Variants in PRDM11 observed in about 807,000 individuals in gnomAD.
PRDM11 encodes PR/SET domain 11, also known as PR domain-containing protein 11.
In PRDM11, 20 loss-of-function variants were observed where a neutral mutation model predicts 97.8. The ratio of observed to expected loss-of-function variants is 0.20; its 90% CI spans 0.14 to 0.30. The LOEUF is 0.30. PRDM11 is among the 10% of genes least tolerant of loss of function. The pLI is 1.00. For missense variants in PRDM11, 1,139 were observed against 1,555.2 expected (o/e 0.73, Z 4.50); for synonymous variants, 599 against 637.7 (o/e 0.94, Z 0.91).
intron 1 of PRDM11, among the ~76,000 whole-genome samples, chr11:45,111,798 T>C (rs539443660): frequency 9.5e-4 from 145 of 152,282 alleles, no homozygotes; most frequent in African/African-American, 3.3e-3. Context: ...CTGGACACTA[T>C]GGGTGCCTCC....
rs1462700195 is a variant in PRDM11 at position 45,228,537 on chromosome 11, T to C, written c.*378T>C. On this transcript the variant is annotated 3_prime_UTR_variant, in exon 8 of 8. Coordinates refer to ENST00000683152, the MANE Select transcript of PRDM11 (RefSeq NM_001384648.1). ...ACCTTTAGGTAGCTCATTTTGTTTA[T>C]GTTTTCATTTGCGGGTGGCGGGGCT... is the stretch of plus-strand genomic sequence containing the variant. 1 of 152,110 alleles carries C rather than the reference T, an allele frequency of 6.6e-6. No homozygotes were observed. The highest frequency in any genetic ancestry group is 2.4e-5 in the African/African-American group (1 of 41,418). 9.4% of individuals were successfully genotyped at this position (152,110 alleles called of 1,614,324 possible). A position where few individuals can be genotyped will look rare whatever the true frequency, so the allele number is the denominator to read the frequency against.
chr11:45,181,121 C>T (rs757346702), intron 1 of PRDM11, among the ~76,000 whole-genome samples: 6 of 152,198 alleles, frequency 3.9e-5, no homozygotes, highest in Non-Finnish European at 8.8e-5. Context: ...ATGAGGACCC[C>T]GGGGTGCCGA....
chr11:45,222,291 C>T (rs1369261607), intron 6 of PRDM11, among the ~76,000 whole-genome samples: 1 of 152,158 alleles, frequency 6.6e-6, no homozygotes, highest in Non-Finnish European at 1.5e-5. Context: ...AGCCTTAAGT[C>T]CACAAAGATC....
At chr11:45,177,278 C>A (rs1378847901) in intron 1 of PRDM11, among the ~76,000 whole-genome samples, 1 of 152,266 alleles carries the variant, frequency 6.6e-6, no homozygotes, top group Non-Finnish European at 1.5e-5. Flanking sequence ...CAAGCCTAAT[C>A]TCTGCATGTG....
chr11:45,140,790 A>G (rs560031389), intron 1 of PRDM11, among the ~76,000 whole-genome samples: 1 of 152,100 alleles, frequency 6.6e-6, no homozygotes, highest in Non-Finnish European at 1.5e-5. Flanking sequence ...AACCTCTCTA[A>G]TGCCCCAGTC....
intron 1 of PRDM11, among the ~76,000 whole-genome samples, chr11:45,133,223 A>C (rs1590365048): frequency 6.6e-6 from 1 of 152,304 alleles, no homozygotes; most frequent in East Asian, 1.9e-4. Flanking sequence ...TTTTCTCCTC[A>C]ACTCATTCCA....
chr11:45,122,957 C>G (rs1199938782), intron 1 of PRDM11, among the ~76,000 whole-genome samples: 6 of 152,144 alleles, frequency 3.9e-5, no homozygotes, highest in Admixed American at 3.9e-4. Flanking sequence ...CTAGTCCCAC[C>G]AACAGTGTAA....
chr11:45,200,462 T>G (rs1853287593), intron 4 of PRDM11, among the ~76,000 whole-genome samples: 1 of 152,254 alleles, frequency 6.6e-6, no homozygotes, highest in Non-Finnish European at 1.5e-5. Context: ...AAGGTTGGTT[T>G]TTATCCAATT....
At position 45,149,155 on chromosome 11, in the gene PRDM11, G is replaced by C. The variant is rs563942924; in HGVS notation, c.-7+2278G>C. On this transcript the variant is annotated intron_variant, in intron 1 of 7. Coordinates refer to ENST00000683152, the MANE Select transcript of PRDM11 (RefSeq NM_001384648.1). ...CTGTCTCTCCCCAGGACAACAGCAA[G>C]AGCCTCCTAATGTCTACCTGCAGTC... Among the ~76,000 whole-genome samples, 88 of 152,312 alleles carry C rather than the reference G, an allele frequency of 5.8e-4. 1 individual carries two copies. The South Asian group carries it at 0.017, about 30-fold the overall frequency.
chr11:45,125,422 T>G (rs1852543192), intron 1 of PRDM11, among the ~76,000 whole-genome samples: 1 of 152,216 alleles, frequency 6.6e-6, no homozygotes, highest in African/African-American at 2.4e-5. Flanking sequence ...GTTCTTTTAA[T>G]TGTGATGTTA....
chr11:45,119,098 T>C (rs1852365700), intron 1 of PRDM11, among the ~76,000 whole-genome samples: 1 of 152,198 alleles, frequency 6.6e-6, no homozygotes, highest in African/African-American at 2.4e-5. Context: ...AGAAGTTTTC[T>C]GTGTTCTGGA....
upstream of PRDM11, among the ~76,000 whole-genome samples, chr11:45,142,996 T>C (rs1418360608): frequency 6.6e-6 from 1 of 152,168 alleles, no homozygotes; most frequent in East Asian, 1.9e-4. Flanking sequence ...GCCAAAGCTG[T>C]TAGAAGTGAA....
upstream of PRDM11, among the ~76,000 whole-genome samples, chr11:45,094,967 A>G (rs1002714741): frequency 1.3e-5 from 2 of 152,036 alleles, no homozygotes; most frequent in African/African-American, 4.8e-5. Flanking sequence ...ACCTGGCAGA[A>G]GGAGATAAAC....
chr11:45,134,910 C>T lies in PRDM11; in HGVS notation c.96+39009C>T, dbSNP rs75439273. On this transcript the variant is annotated intron_variant, in intron 1 of 6. Transcript: ENST00000530656. ...TCCATGTTTGCAAATTATTGCAGAG[C>T]AATAATCATTACATCTAGAGGTTAA... is the stretch of plus-strand genomic sequence containing the variant. 6.5e-3 allele frequency among the ~76,000 whole-genome samples: 993 copies of T among 151,736 alleles called. 15 individuals carry two copies. The highest frequency in any genetic ancestry group is 0.023 in the African/African-American group (948 of 41,322).
intron 4 of PRDM11, among the ~76,000 whole-genome samples, chr11:45,185,360 A>T (rs894438616): frequency 4.6e-5 from 7 of 152,230 alleles, no homozygotes; most frequent in Non-Finnish European, 7.3e-5. Context: ...ACAAAGAGTT[A>T]TCTGCAGAAA....
Position 45,227,728 on chromosome 11 carries a change from G to T in PRDM11, c.3103G>T (p.Gly1035Cys). ...DVCREGLDPR[G>C]SLLMEWRELK... is the part of the protein sequence containing the mutation. ...CTGTAGGGAAGGGCTGGACCCCCGG[G>T]GTAGTCTGTTGATGGAGTGGCGAGA... is the stretch of plus-strand genomic sequence containing the variant. The change falls in exon 8 of 8, where the codon GGT becomes TGT. Residue 1035 changes from glycine (G) to cysteine (C), a missense_variant. This residue lies in a region of PRDM11 where 710 missense variants were observed against 1,044.9 expected (regional missense o/e 0.68). Coordinates refer to ENST00000683152, the MANE Select transcript of PRDM11 (RefSeq NM_001384648.1). This position sits in a 1 kb window ranked among gnomAD's most constrained non-coding sequence, Gnocchi z 8.0. 1 of 1,533,886 alleles carries T rather than the reference G, an allele frequency of 6.5e-7. No individual in the cohort carries two copies. The highest frequency in any genetic ancestry group is 8.7e-7 in the Non-Finnish European group (1 of 1,146,710).
intron 5 of PRDM11, among the ~76,000 whole-genome samples, chr11:45,208,122 C>T (rs907696373): frequency 1.3e-5 from 2 of 152,146 alleles, no homozygotes; most frequent in African/African-American, 4.8e-5. Flanking sequence ...AACTTGACTC[C>T]CTCAGGACAG....
chr11:45,190,561 T>C (rs1006926691), intron 4 of PRDM11, among the ~76,000 whole-genome samples: 1 of 151,846 alleles, frequency 6.6e-6, no homozygotes, highest in Middle Eastern at 3.2e-3. Context: ...TGTTCTTCTA[T>C]ACCAGGGTGA....
rs2135839729 is a variant in PRDM11, at chr11:45,219,472, C to T, written c.555-98C>T. On this transcript the variant is annotated intron_variant, in intron 5 of 7. Coordinates refer to ENST00000683152, the MANE Select transcript of PRDM11 (RefSeq NM_001384648.1). This position sits in a 1 kb window ranked among gnomAD's most constrained non-coding sequence, Gnocchi z 4.2. ...TCACATGGGCCCACGTGCCTGTGGA[C>T]TTCTAACCATCCACACTTGCCCAGC... The T allele has an allele frequency of 8.0e-7, 1 of 1,244,082 alleles. No homozygotes were observed. Among genetic ancestry groups the T allele is most frequent in the Non-Finnish European group, 1.1e-6 (1 of 895,768 alleles). The allele number at this position is 1,244,082 out of a possible 1,614,324, so 77.1% of individuals were successfully genotyped here.
Sources: allele counts gnomAD v4.1 joint callset (sites outside exome capture counted in the v4.1 genomes callset), GRCh38; gene constraint gnomAD v4.1.1; regional missense constraint gnomAD v4.1.1; non-coding constraint Gnocchi (gnomAD v3.1); transcripts MANE v1.5; gene names NCBI Gene and HGNC (gene_info 2026-07-23, HGNC 2026-07-21).